Variants in ASPG observed in about 807,000 individuals in gnomAD.
ASPG encodes asparaginase.
ASPG carries 53 observed loss-of-function variants against 63.2 expected under a neutral mutation model. That is an observed-to-expected ratio of 0.84 (90% CI 0.67 to 1.05). ASPG has a LOEUF of 1.05. Ranked by LOEUF, ASPG falls within the 50% of genes least tolerant of loss-of-function variation. The pLI, the probability that ASPG is intolerant of heterozygous loss-of-function variation, is 0.00. For missense variants in ASPG, 741 were observed against 794.4 expected (o/e 0.93, Z 0.81); for synonymous variants, 370 against 355.0 (o/e 1.04, Z -0.48).
intron 1 of ASPG, among the ~76,000 whole-genome samples, chr14:104,087,753 G>A (rs2036259123): frequency 6.6e-6 from 1 of 152,232 alleles, no homozygotes; most frequent in African/African-American, 2.4e-5. Flanking sequence ...TGCAGGGGCA[G>A]GTGGACTCTG....
chr14:104,112,445 C>T (rs959993207), intron 15 of ASPG, 79 bp from the exon 16 acceptor site: 8 of 852,454 alleles, frequency 9.4e-6, no homozygotes, highest in African/African-American at 3.3e-5. Flanking sequence ...GCCGTACAGA[C>T]GGGGTGCCTG....
At chr14:104,105,990 TGGCA>T (rs2037109656) in intron 10 of ASPG, among the ~76,000 whole-genome samples, 1 of 152,240 alleles carries the variant, frequency 6.6e-6, no homozygotes, top group Admixed American at 6.5e-5. Context: ...ACATGGGGCC[TGGCA>T]GGCCAGACAG....
At chr14:104,089,322 T>C (rs1388678224) in intron 1 of ASPG, among the ~76,000 whole-genome samples, 2 of 151,906 alleles carry the variant, frequency 1.3e-5, no homozygotes, top group Non-Finnish European at 2.9e-5. Flanking sequence ...AGACCAGCCA[T>C]GGACAACATG....
chr14:104,087,189 G>A (rs1360564418), intron 1 of ASPG, among the ~76,000 whole-genome samples: 2 of 152,212 alleles, frequency 1.3e-5, no homozygotes, highest in African/African-American at 2.4e-5. Context: ...CCCCAAGAAC[G>A]TGGCTGTCCA....
chr14:104,103,542 C>A (rs1362091352), intron 6 of ASPG, 21 bp from the exon 7 acceptor site: 1 of 1,543,802 alleles, frequency 6.5e-7, no homozygotes. Context: ...AGGCACCACA[C>A]AGGCCCTTCC....
At chr14:104,092,806 T>C in intron 2 of ASPG, 65 bp downstream of exon 2, 1 of 1,375,136 alleles carries the variant, frequency 7.3e-7, no homozygotes, top group South Asian at 1.2e-5. Flanking sequence ...ATCCTGAGGC[T>C]GGGCACTGCT....
At chr14:104,104,776 C>A in intron 9 of ASPG, 41 bp downstream of exon 9, 2 of 1,509,212 alleles carry the variant, frequency 1.3e-6, no homozygotes, top group Non-Finnish European at 1.8e-6. Flanking sequence ...TCGGTGTGCA[C>A]AAGCATGTCA....
At chr14:104,105,179 C>G (rs2037066726) in intron 9 of ASPG, 149 bp from the exon 10 acceptor site, 1 of 1,271,858 alleles carries the variant, frequency 7.9e-7, no homozygotes, top group Non-Finnish European at 1.1e-6. Context: ...GGGACCCAGC[C>G]CGCTCTGGCC....
intron 8 of ASPG, 50 bp downstream of exon 8, chr14:104,104,536 C>T (rs1461486007): frequency 1.3e-6 from 2 of 1,595,646 alleles, no homozygotes; most frequent in East Asian, 4.5e-5. Context: ...GCCTGAGGGC[C>T]TGGCAGAGGT....
chr14:104,106,278 G>T (rs1336281847), intron 10 of ASPG, among the ~76,000 whole-genome samples: 1 of 152,218 alleles, frequency 6.6e-6, no homozygotes, highest in Admixed American at 6.5e-5. Context: ...TGCCAGGACC[G>T]CTGGGTGTGG....
intron 6 of ASPG, among the ~76,000 whole-genome samples, chr14:104,099,184 C>T (rs2036761832): frequency 6.6e-6 from 1 of 152,176 alleles, no homozygotes; most frequent in South Asian, 2.1e-4. Context: ...AGGTGGGGGC[C>T]TCCTCAGGTC....
intron 5 of ASPG, 137 bp from the exon 6 acceptor site, chr14:104,098,716 G>C: frequency 1.5e-6 from 2 of 1,358,216 alleles, no homozygotes; most frequent in South Asian, 1.4e-5. Context: ...GAAGGTCTCT[G>C]CCTGCGGTGG....
rs933240929 is a variant in ASPG, at chr14:104,109,211, A to G, written c.1434-18A>G. 2 of 1,612,356 alleles carry G rather than the reference A, an allele frequency of 1.2e-6. No homozygotes were observed. Among genetic ancestry groups the G allele is most frequent in the Non-Finnish European group, 1.7e-6 (2 of 1,179,454 alleles). On this transcript the variant is annotated intron_variant, in intron 12 of 15. Transcript: ENST00000551177. The surrounding 1 kb of genome is among the most constrained non-coding windows in gnomAD (Gnocchi z 4.8). ...GGGCTGGCCAGGGCAGAAGGTCAGC[A>G]TGCTCATTCTCACACAGGCATCCGG... is the stretch of plus-strand genomic sequence containing the variant.
At position 104,112,537 on chromosome 14, in the gene ASPG, G is replaced by A; in HGVS notation, c.1715G>A (p.Gly572Asp). ...TCATGTTTTCAGGAAGTGCTGCCTG[G>A]TGTCTAACCTGAAGGCGTCCTGCTG... ...AQAPCPEVLP[G>D]V The change falls in exon 16 of 16, where the codon GGT becomes GAT. Residue 572 changes from glycine (G) to aspartate (D), a missense_variant. Gly to Asp is a moderately conservative substitution (Grantham distance 94). Coordinates refer to ENST00000551177, the MANE Select transcript of ASPG (RefSeq NM_001080464.3). 6.5e-7 allele frequency: 1 copy of A among 1,543,390 alleles called. No individual in the cohort carries two copies. The highest frequency in any genetic ancestry group is 9.0e-7 in the Non-Finnish European group (1 of 1,116,210).
intron 6 of ASPG, among the ~76,000 whole-genome samples, chr14:104,099,705 C>T (rs1039162347): frequency 3.9e-5 from 6 of 152,240 alleles, no homozygotes; most frequent in Non-Finnish European, 8.8e-5. Flanking sequence ...GCACCCCTCC[C>T]TGAGGCAGCG....
chr14:104,104,760 C>T (rs2037046020), intron 9 of ASPG, 25 bp downstream of exon 9: 5 of 1,558,098 alleles, frequency 3.2e-6, no homozygotes, highest in African/African-American at 2.7e-5. Context: ...GGGCTGTGGG[C>T]AACCCTCGGT....
chr14:104,112,373 C>A (rs937363106), intron 15 of ASPG, 151 bp from the exon 16 acceptor site: 4 of 673,436 alleles, frequency 5.9e-6, no homozygotes. Context: ...CACCCCCATT[C>A]CCACTTGGTT....
At position 104,104,630 on chromosome 14, in the gene ASPG, G is replaced by A. The variant is rs767568180; in HGVS notation, c.945G>A (p.Ala315=). 1.1e-4 allele frequency: 176 copies of A among 1,607,938 alleles called. No individual in the cohort carries two copies. Among genetic ancestry groups the A allele is most frequent in the East Asian group, 6.9e-4 (31 of 44,740 alleles). Residue 315 remains alanine (A), a synonymous_variant, in exon 9 of 16, where the codon GCG becomes GCA. Coordinates refer to ENST00000551177, the MANE Select transcript of ASPG (RefSeq NM_001080464.3). ...ACGCCCCCTCCTCACAGGCCATGGC[G>A]GGAGCCGGCGTCATCTCAGGCTTCG... ...TTDYAAGMAM[A]GAGVISGFDM...
intron 2 of ASPG, 105 bp downstream of exon 2, chr14:104,092,846 C>A: frequency 1.1e-6 from 1 of 936,748 alleles, no homozygotes; most frequent in Non-Finnish European, 1.6e-6. Context: ...ATTTGCTCAC[C>A]CCTGTCTCTA....
Sources: allele counts gnomAD v4.1 joint callset (sites outside exome capture counted in the v4.1 genomes callset), GRCh38; gene constraint gnomAD v4.1.1; non-coding constraint Gnocchi (gnomAD v3.1); transcripts MANE v1.5; gene names NCBI Gene and HGNC (gene_info 2026-07-23, HGNC 2026-07-21).